Variants in DNAH5 observed in about 807,000 individuals in gnomAD.
The protein encoded by DNAH5 is dynein axonemal heavy chain 5, also known as axonemal beta dynein heavy chain 5.
A neutral mutation model predicts 518.2 loss-of-function variants in DNAH5; 372 were observed. The observed-to-expected ratio is 0.72, with a 90% confidence interval of 0.66 to 0.78. DNAH5 has a LOEUF of 0.78. Among genes scored for constraint, DNAH5 ranks in the 30% least tolerant of loss-of-function variants. DNAH5 has a pLI of 0.00. For missense variants in DNAH5, 5,523 were observed against 5,687.0 expected (o/e 0.97, Z 0.93); for synonymous variants, 2,039 against 2,025.9 (o/e 1.01, Z -0.17).
chr5:13,969,172 T>C (rs1331979031), intron 1 of DNAH5, among the ~76,000 whole-genome samples: 1 of 152,198 alleles, frequency 6.6e-6, no homozygotes, highest in African/African-American at 2.4e-5. Flanking sequence ...CATCTCCTGT[T>C]TCATTTCTAA....
chr5:13,894,897 A>C, intron 15 of DNAH5, 76 bp from the exon 16 acceptor site: 2 of 1,524,188 alleles, frequency 1.3e-6, no homozygotes, highest in Non-Finnish European at 1.8e-6. Flanking sequence ...GTCTTATACA[A>C]AATGACTACT....
chr5:13,917,095 G>T, intron 8 of DNAH5, 48 bp downstream of exon 8: 2 of 1,399,572 alleles, frequency 1.4e-6, no homozygotes, highest in Non-Finnish European at 2.0e-6. Context: ...TTCAGCTAGT[G>T]CAAAAAGGGT....
intron 60 of DNAH5, among the ~76,000 whole-genome samples, 163 bp downstream of exon 60, chr5:13,762,559 G>C (rs1751926922): frequency 6.6e-6 from 1 of 152,102 alleles, no homozygotes; most frequent in African/African-American, 2.4e-5. Flanking sequence ...TTACAAAGAA[G>C]AAAGAAACAT....
intron 38 of DNAH5, among the ~76,000 whole-genome samples, chr5:13,828,874 C>T (rs1037403844): frequency 2.6e-5 from 4 of 152,172 alleles, no homozygotes; most frequent in Non-Finnish European, 5.9e-5. Context: ...TAGACACAAA[C>T]CACAGGACTC....
At chr5:13,817,042 T>C (rs994222686) in intron 42 of DNAH5, among the ~76,000 whole-genome samples, 1 of 152,256 alleles carries the variant, frequency 6.6e-6, no homozygotes, top group Non-Finnish European at 1.5e-5. Context: ...TTAATGAGTT[T>C]GTTTAAACAA....
Position 13,870,601 on chromosome 5 carries a change from C to G in DNAH5, c.3834+166G>C, listed in dbSNP as rs183200984. ...GCGACATGTGAAGGTGAAAACTGGC[C>G]CATGGAAGGCAATGCTATAGGGGTT... On this transcript the variant is annotated intron_variant, in intron 24 of 78. Coordinates refer to ENST00000265104, the MANE Select transcript of DNAH5 (RefSeq NM_001369.3). Among the ~76,000 whole-genome samples, 218 of 152,196 alleles carry G rather than the reference C, an allele frequency of 1.4e-3. 1 individual carries two copies. The highest frequency in any genetic ancestry group is 4.8e-3 in the African/African-American group (200 of 41,536).
chr5:13,929,418 A>G (rs1196181120), intron 2 of DNAH5, among the ~76,000 whole-genome samples: 2 of 152,246 alleles, frequency 1.3e-5, no homozygotes, highest in Non-Finnish European at 2.9e-5. Context: ...TTTATTGCAC[A>G]GTAATGTGAA....
At chr5:13,883,944 C>G (rs1247249971) in intron 19 of DNAH5, among the ~76,000 whole-genome samples, 3 of 151,932 alleles carry the variant, frequency 2.0e-5, no homozygotes, top group African/African-American at 7.2e-5. Flanking sequence ...TGTCAATATT[C>G]AAAATATATT....
At chr5:13,805,539 T>C (rs144449318) in intron 47 of DNAH5, among the ~76,000 whole-genome samples, 348 of 152,036 alleles carry the variant, frequency 2.3e-3, no homozygotes, top group African/African-American at 8.1e-3. Context: ...TGGCCAATGA[T>C]GTAATCAAGT....
At chr5:13,839,637 C>T (rs1018794457) in intron 34 of DNAH5, 109 bp from the exon 35 acceptor site, 1 of 982,944 alleles carries the variant, frequency 1.0e-6, no homozygotes, top group East Asian at 2.6e-5. Context: ...AACTCACAGA[C>T]AACCGAACTA....
intron 1 of DNAH5, among the ~76,000 whole-genome samples, chr5:13,986,420 C>T (rs1163521667): frequency 6.6e-6 from 1 of 152,146 alleles, no homozygotes; most frequent in Non-Finnish European, 1.5e-5. Flanking sequence ...GAACCCCGGG[C>T]CAAGCTGGAC....
At position 13,740,849 on chromosome 5, in the gene DNAH5, G is replaced by A. The variant is rs140040231; in HGVS notation, c.11212-3354C>T. ...CACCAGCTGACTCCCCAGCTCTCCC[G>A]CTCACCAGTGTCTGTACCTTTTATG... On this transcript the variant is annotated intron_variant, in intron 65 of 78. Transcript: ENST00000265104. Among the ~76,000 whole-genome samples the A allele has an allele frequency of 2.8e-3, 427 of 152,094 alleles. 3 individuals are homozygous for A. Among genetic ancestry groups the A allele is most frequent in the African/African-American group, 9.3e-3 (387 of 41,472 alleles).
chr5:13,734,864 T>C (rs1747138522), intron 68 of DNAH5, among the ~76,000 whole-genome samples: 1 of 152,194 alleles, frequency 6.6e-6, no homozygotes, highest in Non-Finnish European at 1.5e-5. Context: ...TATTTTATTT[T>C]TTTTCTGTAC....
intron 47 of DNAH5, among the ~76,000 whole-genome samples, chr5:13,798,317 A>G (rs1410702912): frequency 6.6e-6 from 1 of 152,176 alleles, no homozygotes; most frequent in Non-Finnish European, 1.5e-5. Context: ...TGGTAGTGCA[A>G]TGTGGCTTGG....
At chr5:13,811,626 C>G in intron 44 of DNAH5, 21 bp downstream of exon 44, 1 of 1,612,762 alleles carries the variant, frequency 6.2e-7, no homozygotes, top group Non-Finnish European at 8.5e-7. Flanking sequence ...GAGAATTTCT[C>G]TAGAAAGTTG....
intron 51 of DNAH5, among the ~76,000 whole-genome samples, chr5:13,788,047 A>G (rs1580244981): frequency 6.6e-6 from 1 of 152,196 alleles, no homozygotes; most frequent in Admixed American, 6.5e-5. Context: ...GGGGAAAAAA[A>G]GTGGAGCACT....
At position 13,859,623 on chromosome 5, in the gene DNAH5, T is replaced by A. The variant is rs750630325; in HGVS notation, c.4797-18A>T. 6.2e-7 allele frequency: 1 copy of A among 1,613,060 alleles called. No individual in the cohort carries two copies. Among genetic ancestry groups the A allele is most frequent in the Non-Finnish European group, 8.5e-7 (1 of 1,179,104 alleles). ...TATTGTACCTAAAATAAGAAATAGG[T>A]TTAGGGTTTGGTTTTGTTTTTGTTG... On this transcript the variant is annotated intron_variant, in intron 29 of 78. Transcript: ENST00000265104.
intron 58 of DNAH5, among the ~76,000 whole-genome samples, chr5:13,766,742 G>C (rs1298033051): frequency 6.6e-6 from 1 of 152,142 alleles, no homozygotes; most frequent in Admixed American, 6.5e-5. Flanking sequence ...CTCTCTCTTA[G>C]AAAAGTTCCA....
chr5:13,890,459 A>G (rs374688328), intron 17 of DNAH5, among the ~76,000 whole-genome samples: 2 of 151,312 alleles, frequency 1.3e-5, no homozygotes, highest in Non-Finnish European at 2.9e-5. Context: ...TTATCTTAAC[A>G]TGTTAAAGTG....
Sources: gnomAD v4.1 joint callset for allele counts (sites outside exome capture counted in the v4.1 genomes callset) on GRCh38, gnomAD v4.1.1 for gene constraint, MANE v1.5 for transcripts, NCBI Gene and HGNC (gene_info 2026-07-23, HGNC 2026-07-21) for gene names.